Variants in ARIH2 observed in about 807,000 individuals in gnomAD.
The protein encoded by ARIH2 is E3 ubiquitin-protein ligase ARIH2.
ARIH2 carries 12 observed loss-of-function variants against 79.8 expected under a neutral mutation model. That is an observed-to-expected ratio of 0.15 (90% CI 0.10 to 0.24). The LOEUF (loss-of-function observed/expected upper bound fraction) is 0.24. Ranked by LOEUF, ARIH2 falls within the 10% of genes least tolerant of loss-of-function variation. ARIH2 has a pLI of 1.00. For synonymous variants in ARIH2, 224 were observed against 213.9 expected (o/e 1.05, Z -0.41); for missense variants, 301 against 618.3 (o/e 0.49, Z 5.44).
chr3:48,930,940 G>A (rs925390754), intron 3 of ARIH2, among the ~76,000 whole-genome samples: 5 of 152,156 alleles, frequency 3.3e-5, no homozygotes, highest in Non-Finnish European at 7.3e-5. Context: ...AGTTTGAGGA[G>A]TGGCTTAAAT....
chr3:48,935,423 A>G (rs554966012), intron 3 of ARIH2, among the ~76,000 whole-genome samples: 1 of 152,350 alleles, frequency 6.6e-6, no homozygotes, highest in South Asian at 2.1e-4. Flanking sequence ...TAATTTGCTT[A>G]AGCTTTCTGC....
chr3:48,939,626 T>C (rs1380513945), intron 3 of ARIH2, among the ~76,000 whole-genome samples: 2 of 150,190 alleles, frequency 1.3e-5, no homozygotes, highest in South Asian at 2.1e-4. Flanking sequence ...GGTGTGGTGG[T>C]GGGCGCCTGT....
chr3:48,981,274 G>A (rs1216662636), intron 13 of ARIH2, among the ~76,000 whole-genome samples: 1 of 151,576 alleles, frequency 6.6e-6, no homozygotes, highest in Non-Finnish European at 1.5e-5. Flanking sequence ...AGAGTTTGCA[G>A]TGAGTGGGGA....
Position 48,956,339 on chromosome 3 carries a change from G to A in ARIH2, c.256-5273G>A, listed in dbSNP as rs560338667. The stretch of plus-strand genomic sequence containing the variant: ...TTTTTAGTAGAGACGGGGTTTCACC[G>A]TGTTGGCCAGGCTGGTCTCGAACTC... On this transcript the variant is annotated intron_variant, in intron 3 of 15. Coordinates refer to ENST00000356401, the MANE Select transcript of ARIH2 (RefSeq NM_006321.4). 8.1e-5 allele frequency among the ~76,000 whole-genome samples: 12 copies of A among 149,000 alleles called. No homozygotes were observed. In the East Asian group the frequency reaches 2.2e-3, roughly 27 times the overall value.
intron 5 of ARIH2, among the ~76,000 whole-genome samples, chr3:48,965,736 G>A (rs558032928): frequency 9.9e-5 from 15 of 152,272 alleles, no homozygotes; most frequent in South Asian, 6.2e-4. Context: ...CGAGGCGGGC[G>A]GATCACTTGA....
At chr3:48,957,778 C>T (rs2090761842) in intron 3 of ARIH2, among the ~76,000 whole-genome samples, 1 of 152,132 alleles carries the variant, frequency 6.6e-6, no homozygotes, top group Non-Finnish European at 1.5e-5. Context: ...TGCAGTGGCG[C>T]GATCTCAGCT....
At position 48,939,693 on chromosome 3, in the gene ARIH2, GC is replaced by G. The variant is rs374232706; in HGVS notation, c.255+11881del. ...GAATGGCGTGAACCTGGGAGGAGGA[GC>G]TTGCAGTGAGCCGAGATTGTGCCAC... On this transcript the variant is annotated intron_variant, in intron 3 of 15. Coordinates refer to ENST00000356401, the MANE Select transcript of ARIH2 (RefSeq NM_006321.4). Among the ~76,000 whole-genome samples, 148 of 145,882 alleles carry G rather than the reference GC, an allele frequency of 1.0e-3. 3 individuals carry two copies. In the East Asian group the frequency reaches 0.03, roughly 30 times the overall value.
intron 3 of ARIH2, among the ~76,000 whole-genome samples, chr3:48,940,260 C>T (rs908416548): frequency 1.3e-5 from 2 of 152,130 alleles, no homozygotes; most frequent in South Asian, 4.1e-4. Flanking sequence ...ATCCCAGCTA[C>T]TCGGGAGGCT....
intron 1 of ARIH2, chr3:48,919,324 C>T (rs2084407016): frequency 1.3e-6 from 1 of 770,564 alleles, no homozygotes; most frequent in Non-Finnish European, 1.8e-6. Flanking sequence ...GGGCTCACCA[C>T]TCGAGTCATC....
intron 6 of ARIH2, among the ~76,000 whole-genome samples, chr3:48,967,887 C>A (rs1046914919): frequency 6.6e-6 from 1 of 152,132 alleles, no homozygotes; most frequent in African/African-American, 2.4e-5. Context: ...TGAAAATATG[C>A]TAATTTCTCT....
chr3:48,970,772 T>C, intron 8 of ARIH2, 68 bp downstream of exon 8: 1 of 1,261,342 alleles, frequency 7.9e-7, no homozygotes, highest in Non-Finnish European at 1.2e-6. Context: ...CCACTGCTGT[T>C]GCTCCATGTG....
chr3:48,968,145 C>T (rs1206678796), intron 6 of ARIH2: 19 of 176,304 alleles, frequency 1.1e-4, no homozygotes, highest in Non-Finnish European at 2.2e-4. Flanking sequence ...AGCGATTCTC[C>T]TGCCTCAGCC....
intron 6 of ARIH2, among the ~76,000 whole-genome samples, 160 bp downstream of exon 6, chr3:48,967,435 C>T (rs1172713147): frequency 6.6e-6 from 1 of 152,148 alleles, no homozygotes; most frequent in African/African-American, 2.4e-5. Context: ...CAAACAGTGA[C>T]AAAGTTTTCC....
intron 8 of ARIH2, 53 bp downstream of exon 8, chr3:48,970,757 A>C: frequency 7.3e-7 from 1 of 1,375,570 alleles, no homozygotes; most frequent in African/African-American, 1.4e-5. Flanking sequence ...CCATCCTCCA[A>C]AGCACCACTG....
At chr3:48,929,660 C>G (rs2086118618) in intron 3 of ARIH2, among the ~76,000 whole-genome samples, 1 of 152,206 alleles carries the variant, frequency 6.6e-6, no homozygotes, top group Non-Finnish European at 1.5e-5. Flanking sequence ...GGCATGATCT[C>G]TCCAACTAGA....
At chr3:48,930,412 G>A (rs1215407270) in intron 3 of ARIH2, among the ~76,000 whole-genome samples, 1 of 152,160 alleles carries the variant, frequency 6.6e-6, no homozygotes, top group Non-Finnish European at 1.5e-5. Flanking sequence ...GGGCCTGGGA[G>A]CGGAGGTTGC....
intron 3 of ARIH2, among the ~76,000 whole-genome samples, chr3:48,955,745 C>G (rs2090499334): frequency 6.6e-6 from 1 of 152,152 alleles, no homozygotes; most frequent in Non-Finnish European, 1.5e-5. Flanking sequence ...TGTTTTGGCC[C>G]TCCTGCCAGG....
At chr3:48,970,444 G>A (rs755971341) in intron 7 of ARIH2, 151 bp from the exon 8 acceptor site, 15 of 590,010 alleles carry the variant, frequency 2.5e-5, no homozygotes, top group Middle Eastern at 4.7e-4. Flanking sequence ...TCTGGCTTAC[G>A]TTTGGTCTTC....
chr3:48,974,996 G>T lies in ARIH2; in HGVS notation c.961+17G>T, dbSNP rs970373010. On this transcript the variant is annotated intron_variant, in intron 11 of 15. Coordinates refer to ENST00000356401, the MANE Select transcript of ARIH2 (RefSeq NM_006321.4). The stretch of plus-strand genomic sequence containing the variant: ...GTAAACACGGTGAGTTCCAAGCTTG[G>T]TGTGTAAGGCCCAGTGGCACTTTCT... The T allele has an allele frequency of 6.2e-7, 1 of 1,614,198 alleles. No homozygotes were observed. The highest frequency in any genetic ancestry group is 1.7e-5 in the Admixed American group (1 of 60,024).
Sources: allele counts gnomAD v4.1 joint callset (sites outside exome capture counted in the v4.1 genomes callset), GRCh38; gene constraint gnomAD v4.1.1; transcripts MANE v1.5; gene names NCBI Gene and HGNC (gene_info 2026-07-23, HGNC 2026-07-21).